Variants in STK33 observed in about 807,000 individuals in gnomAD.
STK33 encodes the protein serine/threonine-protein kinase 33.
In STK33, 52 loss-of-function variants were observed where a neutral mutation model predicts 58.0. The observed-to-expected ratio is 0.90, with a 90% confidence interval of 0.72 to 1.13. The LOEUF (loss-of-function observed/expected upper bound fraction) is 1.13. Ranked by LOEUF, STK33 falls within the 50% of genes most tolerant of loss-of-function variation. STK33 has a pLI of 0.00. For missense variants in STK33, 630 were observed against 604.2 expected (o/e 1.04, Z -0.45); for synonymous variants, 215 against 200.1 (o/e 1.07, Z -0.63).
At chr11:8,366,735 G>A in the STK33 span, among the ~76,000 whole-genome samples, 2 of 152,214 alleles carry the variant, frequency 1.3e-5, no homozygotes. Context: ...GTTCCACCTT[G>A]GGGTGGCCAT....
the STK33 span, among the ~76,000 whole-genome samples, chr11:8,361,510 A>T: frequency 1.2e-5 from 1 of 81,586 alleles, no homozygotes; most frequent in Non-Finnish European, 2.4e-5. The surrounding 1 kb of genome is among the most constrained non-coding windows in gnomAD (Gnocchi z 4.8). Context: ...TGCCCTCTCC[A>T]CCGCCCCCAC....
At chr11:8,377,419 C>T in the STK33 span, among the ~76,000 whole-genome samples, 1 of 152,164 alleles carries the variant, frequency 6.6e-6, no homozygotes, top group Non-Finnish European at 1.5e-5. Context: ...CAAAATACAG[C>T]ATCCTTTATG....
chr11:8,512,342 AT>A (rs1230485287), intron 1 of STK33, among the ~76,000 whole-genome samples: 4 of 149,944 alleles, frequency 2.7e-5, no homozygotes, highest in African/African-American at 4.9e-5. Context: ...TACAAAAAAA[AT>A]ATCAACCAGA....
At chr11:8,440,825 T>G in intron 11 of STK33, 72 bp from the exon 12 acceptor site, 3 of 1,429,916 alleles carry the variant, frequency 2.1e-6, no homozygotes, top group Non-Finnish European at 2.9e-6. Flanking sequence ...AACACAAGCA[T>G]GAAAAATGTG....
intron 11 of STK33, among the ~76,000 whole-genome samples, chr11:8,442,063 A>G (rs942639926): frequency 8.2e-6 from 1 of 122,236 alleles, no homozygotes; most frequent in African/African-American, 2.9e-5. Context: ...ACACACACAC[A>G]CACACTTTTA....
intron 15 of STK33, among the ~76,000 whole-genome samples, chr11:8,405,522 G>A (rs11041909): frequency 0.02 from 2,024 of 99,500 alleles, 13 homozygotes; most frequent in Non-Finnish European, 0.029. Context: ...CCTGTCTGTG[G>A]CTTATTTTTT....
chr11:8,424,007 C>CT (rs1475866588), intron 14 of STK33, among the ~76,000 whole-genome samples: 1 of 151,684 alleles, frequency 6.6e-6, no homozygotes, highest in African/African-American at 2.4e-5. Flanking sequence ...TTTTATTATA[C>CT]TTTAAGTTTT....
Position 8,477,263 on chromosome 11 carries a change from C to G in STK33, c.-240G>C, listed in dbSNP as rs1949371125. ...TTCAGAATGTACCTGTATCACTTTC[C>G]AAAATGATTTAACTTCAGGCCTAGA... is the stretch of plus-strand genomic sequence containing the variant. On this transcript the variant is annotated 5_prime_UTR_variant, in exon 3 of 16. Coordinates refer to ENST00000687296, the MANE Select transcript of STK33 (RefSeq NM_001352389.2). 1.3e-5 allele frequency: 2 copies of G among 151,730 alleles called. No homozygotes were observed. Among genetic ancestry groups the G allele is most frequent in the South Asian group, 4.1e-4 (2 of 4,826 alleles). 9.4% of individuals were successfully genotyped at this position (151,730 alleles called of 1,614,324 possible).
At chr11:8,425,384 T>C (rs558392873) in intron 14 of STK33, among the ~76,000 whole-genome samples, 21 of 152,212 alleles carry the variant, frequency 1.4e-4, no homozygotes, top group Non-Finnish European at 2.6e-4. Context: ...TTTTGGTTAC[T>C]GTAGCCTTGT....
intron 15 of STK33, among the ~76,000 whole-genome samples, chr11:8,406,040 G>A (rs968803223): frequency 6.6e-6 from 1 of 151,648 alleles, no homozygotes; most frequent in Non-Finnish European, 1.5e-5. Context: ...CTACTCCGCA[G>A]GCTGAGGCAG....
chr11:8,355,354 G>T, the STK33 span, among the ~76,000 whole-genome samples: 1 of 152,262 alleles, frequency 6.6e-6, no homozygotes, highest in African/African-American at 2.4e-5. Context: ...TCTGACTGAG[G>T]AATCAAATCT....
At chr11:8,481,695 T>C (rs1398643870) in intron 1 of STK33, among the ~76,000 whole-genome samples, 1 of 152,176 alleles carries the variant, frequency 6.6e-6, no homozygotes, top group East Asian at 1.9e-4. Context: ...CCAGGCTAAA[T>C]TTCCACCTGA....
intron 1 of STK33, among the ~76,000 whole-genome samples, chr11:8,531,712 G>C (rs1468488753): frequency 6.6e-6 from 1 of 152,178 alleles, no homozygotes; most frequent in Non-Finnish European, 1.5e-5. Flanking sequence ...TTCTGAACCA[G>C]CCTTGGAAGT....
the STK33 span, among the ~76,000 whole-genome samples, chr11:8,358,189 G>C: frequency 6.6e-6 from 1 of 152,204 alleles, no homozygotes; most frequent in Admixed American, 6.5e-5. Context: ...CCGCAGAGCC[G>C]GGCTGAACCC....
intron 1 of STK33, among the ~76,000 whole-genome samples, chr11:8,514,380 T>A (rs1952592192): frequency 6.6e-6 from 1 of 152,148 alleles, no homozygotes; most frequent in Non-Finnish European, 1.5e-5. Flanking sequence ...CCATCGTGAA[T>A]AAAACCACTC....
intron 1 of STK33, among the ~76,000 whole-genome samples, chr11:8,511,655 T>C (rs1031508719): frequency 2.6e-5 from 4 of 152,174 alleles, no homozygotes; most frequent in African/African-American, 9.6e-5. Flanking sequence ...ATGTCCCTTC[T>C]ATGCCAATCT....
At chr11:8,487,298 T>A (rs1413792454) in intron 1 of STK33, among the ~76,000 whole-genome samples, 2 of 151,702 alleles carry the variant, frequency 1.3e-5, no homozygotes, top group Non-Finnish European at 2.9e-5. Flanking sequence ...GTGACACACC[T>A]GTAGTCCCAG....
At chr11:8,407,798 AAAACGTGGCT>A (rs1196854916) in intron 15 of STK33, among the ~76,000 whole-genome samples, 5 of 152,170 alleles carry the variant, frequency 3.3e-5, no homozygotes, top group African/African-American at 1.2e-4. Flanking sequence ...CAAAACTTCC[AAAACGTGGCT>A]AAAGGTACAA....
intron 1 of STK33, among the ~76,000 whole-genome samples, chr11:8,513,183 G>A (rs563047150): frequency 4.7e-4 from 72 of 152,266 alleles, no homozygotes; most frequent in African/African-American, 1.5e-3. Context: ...CATGGAGAGC[G>A]TGTGGAGCTA....
Sources: gnomAD v4.1 joint callset for allele counts (sites outside exome capture counted in the v4.1 genomes callset) on GRCh38, gnomAD v4.1.1 for gene constraint, Gnocchi (gnomAD v3.1) non-coding constraint, MANE v1.5 for transcripts, NCBI Gene and HGNC (gene_info 2026-07-23, HGNC 2026-07-21) for gene names.